Variants in HNRNPR observed in about 807,000 individuals in gnomAD.
HNRNPR encodes heterogeneous nuclear ribonucleoprotein R.
Under a neutral mutation model 70.3 loss-of-function variants are expected in HNRNPR, and 4 were observed. The ratio of observed to expected loss-of-function variants is 0.06; its 90% confidence interval spans 0.03 to 0.13. The LOEUF (loss-of-function observed/expected upper bound fraction) is 0.13. Ranked by LOEUF, HNRNPR falls within the 10% of genes least tolerant of loss-of-function variation. The pLI is 1.00. For missense variants in HNRNPR, 423 were observed against 788.5 expected, an observed-to-expected ratio of 0.54 and a Z score of 5.55; for synonymous variants, 241 against 267.6, an observed-to-expected ratio of 0.90 and a Z score of 0.97.
Position 23,308,465 on chromosome 1 carries a change from C to G in HNRNPR, c.*1989G>C, listed in dbSNP as rs1344635449. The G allele has an allele frequency of 6.6e-6, 1 of 152,020 alleles. No homozygotes were observed. Among genetic ancestry groups the G allele is most frequent in the African/African-American group, 2.4e-5 (1 of 41,426 alleles). The allele number at this position is 152,020 out of a possible 1,614,324, so 9.4% of individuals were successfully genotyped here. On this transcript the variant is annotated 3_prime_UTR_variant, in exon 11 of 11. Transcript: ENST00000302271. ...TTAAGTCTAATTAGATGTATAGTTA[C>G]AACTTCAAATTGTACTTTCAAAGTT...
chr1:23,323,504 G>GT, intron 6 of HNRNPR, 52 bp downstream of exon 6: 1 of 1,485,370 alleles, frequency 6.7e-7, no homozygotes. Flanking sequence ...TTGAATTAAA[G>GT]TTTATTTCCT....
Position 23,310,411 on chromosome 1 carries a change from G to A in HNRNPR, c.*43C>T. The A allele has an allele frequency of 6.6e-7, 1 of 1,511,512 alleles. No homozygotes were observed. Among genetic ancestry groups the A allele is most frequent in the South Asian group, 1.3e-5 (1 of 74,110 alleles). The allele number at this position is 1,511,512 out of a possible 1,614,324, so 93.6% of individuals were successfully genotyped here. A position where few individuals can be genotyped will look rare whatever the true frequency, so the allele number is the denominator to read the frequency against. On this transcript the variant is annotated 3_prime_UTR_variant, in exon 11 of 11. Transcript: ENST00000302271. This position sits in a 1 kb window ranked among gnomAD's most constrained non-coding sequence, Gnocchi z 6.0. ...TTTTTTTGAAGAATGTAGATCTAGA[G>A]CCAATCGTATCTTGCCAGTATCATT...
intron 8 of HNRNPR, among the ~76,000 whole-genome samples, chr1:23,317,323 T>A (rs1182249699): frequency 6.6e-6 from 1 of 152,044 alleles, no homozygotes; most frequent in Admixed American, 6.5e-5. Context: ...CCAGCTGTGG[T>A]GGCGGGCACC....
At chr1:23,317,649 GC>G (rs1166149676) in intron 8 of HNRNPR, among the ~76,000 whole-genome samples, 1 of 151,962 alleles carries the variant, frequency 6.6e-6, no homozygotes, top group African/African-American at 2.4e-5. Context: ...ACAATCTTTT[GC>G]CTTTCTTCAT....
intron 5 of HNRNPR, among the ~76,000 whole-genome samples, chr1:23,331,707 G>A (rs1020426294): frequency 3.3e-5 from 5 of 151,640 alleles, no homozygotes; most frequent in African/African-American, 9.7e-5. Flanking sequence ...GGTGGCATGA[G>A]TCCATAGTCC....
intron 7 of HNRNPR, among the ~76,000 whole-genome samples, chr1:23,319,461 A>T (rs1645673020): frequency 6.6e-6 from 1 of 152,070 alleles, no homozygotes; most frequent in South Asian, 2.1e-4. Flanking sequence ...TTCTTCCTTC[A>T]TCTCTCCTAT....
At chr1:23,322,198 T>G (rs889846034) in intron 6 of HNRNPR, among the ~76,000 whole-genome samples, 1 of 152,158 alleles carries the variant, frequency 6.6e-6, no homozygotes, top group Admixed American at 6.5e-5. Context: ...AAATGTTTTA[T>G]TTAAATCACT....
At chr1:23,312,845 G>C (rs1480798115) in intron 9 of HNRNPR, among the ~76,000 whole-genome samples, 2 of 152,034 alleles carry the variant, frequency 1.3e-5, no homozygotes, top group Non-Finnish European at 2.9e-5. Context: ...GATTTTAGTA[G>C]TGTTTTGTCT....
intron 1 of HNRNPR, among the ~76,000 whole-genome samples, chr1:23,343,502 G>A (rs984059908): frequency 6.6e-6 from 1 of 152,134 alleles, no homozygotes; most frequent in African/African-American, 2.4e-5. Flanking sequence ...TTGGCAATAC[G>A]GCCACTACCG....
intron 8 of HNRNPR, among the ~76,000 whole-genome samples, chr1:23,316,900 G>A (rs534220402): frequency 6.6e-6 from 1 of 152,268 alleles, no homozygotes; most frequent in South Asian, 2.1e-4. Context: ...ACTTCTGAGA[G>A]CCTCTCTGGT....
chr1:23,341,099 A>G, intron 1 of HNRNPR, 82 bp from the exon 2 acceptor site: 1 of 986,572 alleles, frequency 1.0e-6, no homozygotes, highest in Non-Finnish European at 1.5e-6. Flanking sequence ...TATCTAAACT[A>G]ATTTGTATAC....
At chr1:23,329,687 A>G (rs1461395329) in intron 5 of HNRNPR, among the ~76,000 whole-genome samples, 1 of 152,240 alleles carries the variant, frequency 6.6e-6, no homozygotes, top group African/African-American at 2.4e-5. Flanking sequence ...GCTGGAATAC[A>G]GTGGCACAAT....
At chr1:23,333,401 C>T (rs546222163) in intron 5 of HNRNPR, 117 bp downstream of exon 5, 1 of 596,594 alleles carries the variant, frequency 1.7e-6, no homozygotes, top group Non-Finnish European at 3.0e-6. Flanking sequence ...TAAAAACTAA[C>T]AACAGCTACA....
At chr1:23,338,029 A>C in intron 3 of HNRNPR, 168 bp from the exon 4 acceptor site, 1 of 582,792 alleles carries the variant, frequency 1.7e-6, no homozygotes, top group South Asian at 2.1e-5. Context: ...TGGAGCAGAC[A>C]GCAGTAAGGC....
rs77213821 is a variant in HNRNPR at position 23,327,328 on chromosome 1, G to A, written c.499-3596C>T. Among the ~76,000 whole-genome samples, 460 of 152,228 alleles carry A rather than the reference G, an allele frequency of 3.0e-3. 1 individual carries two copies. Among genetic ancestry groups the A allele is most frequent in the Admixed American group, 4.8e-3 (74 of 15,280 alleles). ...TATTTTTCTAGATTCTAGAAATATA[G>A]TGACTACCACAGACAAGGTCTAGGC... On this transcript the variant is annotated intron_variant, in intron 5 of 10. Transcript: ENST00000302271.
intron 8 of HNRNPR, among the ~76,000 whole-genome samples, chr1:23,314,995 G>A (rs920057299): frequency 6.6e-6 from 1 of 151,984 alleles, no homozygotes; most frequent in Non-Finnish European, 1.5e-5. Flanking sequence ...AAATGAAGAA[G>A]AGGGCTGGGC....
At position 23,306,839 on chromosome 1, in the gene HNRNPR, GGCTA is replaced by G. The variant is rs1161831837; in HGVS notation, c.*3611_*3614del. The G allele has an allele frequency of 1.3e-5, 2 of 152,102 alleles. No individual in the cohort carries two copies. The highest frequency in any genetic ancestry group is 2.9e-5 in the Non-Finnish European group (2 of 68,016). 9.4% of individuals were successfully genotyped at this position (152,102 alleles called of 1,614,324 possible). On this transcript the variant is annotated 3_prime_UTR_variant, in exon 11 of 11. Transcript: ENST00000302271. ...TTCTAATATAAAAGTAAACATGTCT[GGCTA>G]ATGGATTTGTTATTCTGGATTCTCC...
intron 1 of HNRNPR, among the ~76,000 whole-genome samples, chr1:23,341,919 C>T (rs960202650): frequency 1.3e-5 from 2 of 151,980 alleles, no homozygotes; most frequent in Non-Finnish European, 2.9e-5. Flanking sequence ...GGACTGACTC[C>T]CTGAAGAGAG....
At position 23,318,654 on chromosome 1, in the gene HNRNPR, G is replaced by C. The variant is rs749643070; in HGVS notation, c.846C>G (p.Pro282=). ...ACCCCCGATTCTTCTTTTTGTCATCGGGTTGATGATAGAGAATAACGTCCA... is the reference window on the plus strand; with the variant it reads ...ACCCCCGATTCTTCTTTTTGTCATCCGGTTGATGATAGAGAATAACGTCCA... The part of the protein sequence containing the change: ...GLVDVILYHQ[P]DDKKKNRGFC... Residue 282 remains proline (P), a synonymous_variant, in exon 8 of 11, where the codon CCC becomes CCG. Coordinates refer to ENST00000302271, the MANE Select transcript of HNRNPR (RefSeq NM_005826.5). This position sits in a 1 kb window ranked among gnomAD's most constrained non-coding sequence, Gnocchi z 4.2. 1.2e-6 allele frequency: 2 copies of C among 1,613,932 alleles called. No homozygotes were observed. The highest frequency in any genetic ancestry group is 2.2e-5 in the East Asian group (1 of 44,890).
Sources: allele counts gnomAD v4.1 joint callset (sites outside exome capture counted in the v4.1 genomes callset), GRCh38; gene constraint gnomAD v4.1.1; non-coding constraint Gnocchi (gnomAD v3.1); transcripts MANE v1.5; gene names NCBI Gene and HGNC (gene_info 2026-07-23, HGNC 2026-07-21).